The following NELL1 variants were observed in gnomAD, a reference collection of about 807,000 sequenced individuals.
NELL1 encodes the protein neural EGFL like 1, also known as protein kinase C-binding protein NELL1.
Under a neutral mutation model 107.4 loss-of-function variants are expected in NELL1, and 76 were observed. That is an observed-to-expected ratio of 0.71 (90% CI 0.59 to 0.86). The LOEUF is 0.86. NELL1 is among the 40% of genes least tolerant of loss of function. The pLI, the probability that NELL1 is intolerant of heterozygous loss-of-function variation, is 0.00. For synonymous variants in NELL1, 353 were observed against 341.2 expected, an observed-to-expected ratio of 1.03 and a Z score of -0.38; for missense variants, 1,024 against 1,005.5, an observed-to-expected ratio of 1.02 and a Z score of -0.25.
At position 20,816,063 on chromosome 11, in the gene NELL1, A is replaced by G; in HGVS notation, c.336-31520A>G. Among the ~76,000 whole-genome samples, 2 of 152,166 alleles carry G rather than the reference A, an allele frequency of 1.3e-5. 1 individual carries two copies. Among genetic ancestry groups the G allele is most frequent in the Non-Finnish European group, 2.9e-5 (2 of 68,024 alleles). ...GTTGTTTTTATTACTATAGTCTTAT[A>G]GCATAGTTTGAAATCAGGTAATGTG... On this transcript the variant is annotated intron_variant, in intron 3 of 19. Transcript: ENST00000357134.
Position 21,289,480 on chromosome 11 carries a change from C to T in NELL1, c.1549+60026C>T, listed in dbSNP as rs189840148. 1.8e-4 allele frequency among the ~76,000 whole-genome samples: 27 copies of T among 152,294 alleles called. 1 individual carries two copies. The highest frequency in any genetic ancestry group is 1.7e-3 in the Admixed American group (26 of 15,304). On this transcript the variant is annotated intron_variant, in intron 14 of 19. Coordinates refer to ENST00000357134, the MANE Select transcript of NELL1 (RefSeq NM_006157.5). ...GCCGTGAGGAACAGTGCATTCTGAC[C>T]CAGATACTATGCTTTTCCCATGGTC...
chr11:21,528,859 T>A (rs1166273414), intron 15 of NELL1, among the ~76,000 whole-genome samples: 1 of 152,148 alleles, frequency 6.6e-6, no homozygotes, highest in South Asian at 2.1e-4. Flanking sequence ...AGCAAAAAAC[T>A]TCTTCCACTC....
chr11:21,446,858 G>A (rs181355116), intron 15 of NELL1, among the ~76,000 whole-genome samples: 2 of 152,326 alleles, frequency 1.3e-5, no homozygotes, highest in East Asian at 1.9e-4. Context: ...TCCTTTCAGG[G>A]TGATGAGTTC....
rs755647164 is a variant in NELL1 at position 21,573,268 on chromosome 11, C to T, written c.2241C>T (p.Pro747=). 1 of 1,612,374 alleles carries T rather than the reference C, an allele frequency of 6.2e-7. No homozygotes were observed. The highest frequency in any genetic ancestry group is 1.7e-5 in the Admixed American group (1 of 59,822). Residue 747 remains proline (P), a synonymous_variant, in exon 19 of 20, where the codon CCC becomes CCT. Transcript: ENST00000357134. ...CTATCTTAGAAGGGGAATGTTGTCC[C>T]CGCTGTGTCAGTGACCCCTGCCTAG... ...YTAILEGECC[P]RCVSDPCLAD...
chr11:21,155,305 T>A (rs1366562810), intron 13 of NELL1, among the ~76,000 whole-genome samples: 1 of 152,076 alleles, frequency 6.6e-6, no homozygotes, highest in African/African-American at 2.4e-5. Context: ...AATGGAAATG[T>A]CTAAGGATTG....
intron 15 of NELL1, among the ~76,000 whole-genome samples, chr11:21,394,348 T>C (rs912495805): frequency 1.3e-5 from 2 of 151,536 alleles, no homozygotes; most frequent in African/African-American, 4.8e-5. Context: ...TCATAGAATA[T>C]TACCATAAAT....
At chr11:21,256,441 A>G (rs898718103) in intron 14 of NELL1, among the ~76,000 whole-genome samples, 1 of 152,076 alleles carries the variant, frequency 6.6e-6, no homozygotes, top group African/African-American at 2.4e-5. Flanking sequence ...TCTGGAAGGC[A>G]GATCTGCTCT....
intron 2 of NELL1, among the ~76,000 whole-genome samples, chr11:20,768,114 A>G (rs1269779069): frequency 7.2e-5 from 11 of 152,188 alleles, no homozygotes; most frequent in Admixed American, 7.2e-4. Context: ...TTAATGACGA[A>G]CACTTCATAT....
In NELL1 at chr11:21,337,841, C is replaced by T. The variant is rs866705135; in HGVS notation, c.1550-33012C>T. Among the ~76,000 whole-genome samples the T allele has an allele frequency of 2.5e-3, 236 of 92,726 alleles. 4 individuals are homozygous for T. Among genetic ancestry groups the T allele is most frequent in the Non-Finnish European group, 2.7e-3 (119 of 44,678 alleles). 60.8% of individuals were successfully genotyped at this position (92,726 alleles called of 152,430 possible). A position where few individuals can be genotyped will look rare whatever the true frequency, so the allele number is the denominator to read the frequency against. On this transcript the variant is annotated intron_variant, in intron 14 of 19. Coordinates refer to ENST00000357134, the MANE Select transcript of NELL1 (RefSeq NM_006157.5). ...CCTTCTTTCTTTCTTTCTTTCTTTT[C>T]TTTCTTTCTTTCTTTCTTTCTTTCT...
chr11:21,323,147 G>T (rs1034350192), intron 14 of NELL1, among the ~76,000 whole-genome samples: 28 of 152,262 alleles, frequency 1.8e-4, no homozygotes, highest in Admixed American at 6.5e-4. Context: ...TTTTGAAGTG[G>T]CTTTATTATT....
chr11:20,820,772 C>T (rs1190415379), intron 3 of NELL1, among the ~76,000 whole-genome samples: 2 of 152,172 alleles, frequency 1.3e-5, no homozygotes, highest in Non-Finnish European at 2.9e-5. Context: ...ATTCAGACCT[C>T]CTTTCACAGA....
intron 13 of NELL1, among the ~76,000 whole-genome samples, chr11:21,183,651 C>T (rs765551532): frequency 2.6e-5 from 4 of 151,842 alleles, no homozygotes; most frequent in Non-Finnish European, 4.4e-5. Flanking sequence ...GAGATTTTCA[C>T]TCGTATTTCA....
At chr11:21,399,649 G>GA (rs1852055063) in intron 15 of NELL1, among the ~76,000 whole-genome samples, 2 of 151,872 alleles carry the variant, frequency 1.3e-5, no homozygotes, top group South Asian at 4.2e-4. Flanking sequence ...TTACAGATAA[G>GA]GGAACTAAAA....
chr11:20,959,004 A>G (rs1453411741), intron 11 of NELL1, among the ~76,000 whole-genome samples: 2 of 152,186 alleles, frequency 1.3e-5, no homozygotes, highest in African/African-American at 4.8e-5. Context: ...GTCCGATGGC[A>G]TTTTACTCAC....
At chr11:20,827,566 TTC>T (rs1265433105) in intron 3 of NELL1, among the ~76,000 whole-genome samples, 1 of 151,160 alleles carries the variant, frequency 6.6e-6, no homozygotes, top group African/African-American at 2.4e-5. Context: ...TTCCAGGTGT[TTC>T]TGAGGGTTGT....
At chr11:20,820,657 C>T (rs1233466162) in intron 3 of NELL1, among the ~76,000 whole-genome samples, 4 of 152,150 alleles carry the variant, frequency 2.6e-5, no homozygotes, top group African/African-American at 4.8e-5. Flanking sequence ...CCCTGTTGTT[C>T]ACAGGCATGT....
At chr11:21,352,747 T>C (rs1036976562) in intron 14 of NELL1, among the ~76,000 whole-genome samples, 2 of 152,160 alleles carry the variant, frequency 1.3e-5, no homozygotes, top group Non-Finnish European at 2.9e-5. Context: ...TTACGTGAGC[T>C]CTCTTGTCCT....
chr11:20,933,514 G>T (rs551202206), intron 9 of NELL1, among the ~76,000 whole-genome samples: 1 of 152,302 alleles, frequency 6.6e-6, no homozygotes, highest in African/African-American at 2.4e-5. Context: ...CATAGAGGTG[G>T]TATCTGAAGC....
At chr11:21,193,757 A>C (rs1351045411) in intron 13 of NELL1, among the ~76,000 whole-genome samples, 5 of 151,864 alleles carry the variant, frequency 3.3e-5, no homozygotes. Flanking sequence ...GACAGGGATA[A>C]AAAGAAAGTT....
Sources: gnomAD v4.1 joint callset for allele counts (sites outside exome capture counted in the v4.1 genomes callset) on GRCh38, gnomAD v4.1.1 for gene constraint, MANE v1.5 for transcripts, NCBI Gene and HGNC (gene_info 2026-07-23, HGNC 2026-07-21) for gene names.